The following RASAL2 variants were observed in gnomAD, a reference collection of about 807,000 sequenced individuals.
RASAL2 encodes RAS protein activator like 2.
RASAL2 carries 58 observed loss-of-function variants against 128.9 expected under a neutral mutation model. The observed-to-expected ratio is 0.45, with a 90% CI of 0.36 to 0.56. RASAL2 has a LOEUF of 0.56. Ranked by LOEUF, RASAL2 falls within the 20% of genes least tolerant of loss-of-function variation. RASAL2 has a pLI of 0.00. For synonymous variants in RASAL2, 561 were observed against 580.8 expected (o/e 0.97, Z 0.49); for missense variants, 1,360 against 1,601.6 (o/e 0.85, Z 2.57).
At chr1:178,192,284 C>CA (rs1437525495) in intron 1 of RASAL2, among the ~76,000 whole-genome samples, 17 of 152,044 alleles carry the variant, frequency 1.1e-4, no homozygotes, top group Non-Finnish European at 2.4e-4. Context: ...TATTTGATGA[C>CA]AGTCTATTAT....
intron 3 of RASAL2, among the ~76,000 whole-genome samples, chr1:178,305,028 AAATTT>A (rs1667927859): frequency 6.6e-6 from 1 of 152,222 alleles, no homozygotes; most frequent in African/African-American, 2.4e-5. Context: ...TGAAAAAAAG[AAATTT>A]AAAAAGTAAT....
chr1:178,333,340 T>C (rs1219230986), intron 3 of RASAL2, among the ~76,000 whole-genome samples: 1 of 152,242 alleles, frequency 6.6e-6, no homozygotes, highest in Non-Finnish European at 1.5e-5. Context: ...TTTATTAATA[T>C]CTCTTTTATT....
At chr1:178,199,993 C>T (rs1002917311) in intron 1 of RASAL2, among the ~76,000 whole-genome samples, 2 of 152,206 alleles carry the variant, frequency 1.3e-5, no homozygotes, top group African/African-American at 4.8e-5. Flanking sequence ...CCCTGAACAT[C>T]GGGCTCCAGG....
At chr1:178,164,822 T>TG (rs1661464068) in intron 1 of RASAL2, among the ~76,000 whole-genome samples, 1 of 124,748 alleles carries the variant, frequency 8.0e-6, no homozygotes, top group Admixed American at 8.2e-5. Flanking sequence ...TCATCAAACG[T>TG]TTGTGTGTGT....
At chr1:178,179,419 T>A (rs1571591360) in intron 1 of RASAL2, among the ~76,000 whole-genome samples, 1 of 152,204 alleles carries the variant, frequency 6.6e-6, no homozygotes, top group Non-Finnish European at 1.5e-5. Context: ...ATACTCCTTT[T>A]CTTTACTGGA....
rs146201041 is a variant in RASAL2 at position 178,455,091 on chromosome 1, G to A, written c.2211+443G>A. On this transcript the variant is annotated intron_variant, in intron 12 of 17. Transcript: ENST00000367649. ...TGAAACAAATTTTTTTACTATACAAGTCATAGAGTTTCATATAATTATTAG... is the reference window on the plus strand; with the variant it reads ...TGAAACAAATTTTTTTACTATACAAATCATAGAGTTTCATATAATTATTAG... Among the ~76,000 whole-genome samples the A allele has an allele frequency of 2.0e-4, 30 of 152,130 alleles. No individual in the cohort carries two copies. In the East Asian group the frequency reaches 5.0e-3, roughly 25 times the overall value.
chr1:178,342,465 T>A (rs1308600831), intron 3 of RASAL2, among the ~76,000 whole-genome samples: 1 of 152,222 alleles, frequency 6.6e-6, no homozygotes, highest in Admixed American at 6.5e-5. Context: ...ATCATAAACC[T>A]AGATTGAAAT....
chr1:178,200,580 G>A (rs1558110876), intron 1 of RASAL2, among the ~76,000 whole-genome samples: 1 of 152,164 alleles, frequency 6.6e-6, no homozygotes, highest in Non-Finnish European at 1.5e-5. Flanking sequence ...CAGTGATTGA[G>A]AGTCTTATCT....
chr1:178,176,032 T>A (rs1661879467), intron 1 of RASAL2, among the ~76,000 whole-genome samples: 1 of 152,216 alleles, frequency 6.6e-6, no homozygotes, highest in Admixed American at 6.5e-5. Context: ...TACAGGTGTC[T>A]TTTGATGTAA....
chr1:178,436,696 G>GT (rs1217513687), intron 5 of RASAL2, among the ~76,000 whole-genome samples: 1 of 152,024 alleles, frequency 6.6e-6, no homozygotes, highest in Non-Finnish European at 1.5e-5. Flanking sequence ...GCAAGCTAAA[G>GT]TTTCTCAAGT....
intron 3 of RASAL2, among the ~76,000 whole-genome samples, chr1:178,364,340 G>C (rs1275148921): frequency 6.6e-6 from 1 of 151,052 alleles, no homozygotes; most frequent in Non-Finnish European, 1.5e-5. Context: ...TCTGGAATAA[G>C]AATATCTAAG....
intron 1 of RASAL2, among the ~76,000 whole-genome samples, chr1:178,283,342 C>T (rs1344661966): frequency 6.6e-6 from 1 of 151,868 alleles, no homozygotes; most frequent in Non-Finnish European, 1.5e-5. Flanking sequence ...ACAGTTCTTC[C>T]CAGAGTGTTT....
At chr1:178,139,476 C>T (rs1345941345) in intron 1 of RASAL2, among the ~76,000 whole-genome samples, 1 of 151,932 alleles carries the variant, frequency 6.6e-6, no homozygotes, top group South Asian at 2.1e-4. Flanking sequence ...AGAGTGATAA[C>T]AGTGTTTTTG....
intron 4 of RASAL2, among the ~76,000 whole-genome samples, chr1:178,406,777 G>A (rs1338406346): frequency 6.6e-6 from 1 of 151,552 alleles, no homozygotes; most frequent in Non-Finnish European, 1.5e-5. Flanking sequence ...GTCAATATGT[G>A]TTTTAACATG....
At chr1:178,243,521 A>G (rs990193597) in intron 1 of RASAL2, among the ~76,000 whole-genome samples, 2 of 151,168 alleles carry the variant, frequency 1.3e-5, no homozygotes, top group African/African-American at 4.9e-5. Flanking sequence ...GGGAAGAAGA[A>G]TGCTTTCCCT....
At chr1:178,432,524 G>A (rs987232844) in intron 5 of RASAL2, among the ~76,000 whole-genome samples, 1 of 152,000 alleles carries the variant, frequency 6.6e-6, no homozygotes, top group African/African-American at 2.4e-5. Flanking sequence ...CAATATGTAT[G>A]TTCTGTTTCA....
In RASAL2 at chr1:178,300,045, C is replaced by T. The variant is rs1416721356; in HGVS notation, c.384C>T (p.Cys128=). The stretch of plus-strand genomic sequence containing the variant: ...AGACAGATTCCACCAAAGGGCGATG[C>T]CTGAGGAGAACTGTCAGTGTCCCTT... ...EQQTDSTKGR[C]LRRTVSVPSE... is the part of the protein sequence containing the mutation. The change falls in exon 3 of 18, where the codon TGC becomes TGT. Residue 128 remains cysteine (C), a synonymous_variant. Coordinates refer to ENST00000367649, the MANE Select transcript of RASAL2 (RefSeq NM_170692.4). 7 of 1,613,954 alleles carry T rather than the reference C, an allele frequency of 4.3e-6. No homozygotes were observed. Among genetic ancestry groups the T allele is most frequent in the Non-Finnish European group, 5.9e-6 (7 of 1,179,896 alleles).
At chr1:178,296,622 C>T (rs1336781444) in intron 2 of RASAL2, among the ~76,000 whole-genome samples, 2 of 151,346 alleles carry the variant, frequency 1.3e-5, no homozygotes, top group Non-Finnish European at 2.9e-5. Context: ...CTTGACCTCC[C>T]AAAGTGCTGC....
In RASAL2 at chr1:178,425,545, T is replaced by C. The variant is rs184688444; in HGVS notation, c.674+4925T>C. 2.5e-4 allele frequency among the ~76,000 whole-genome samples: 38 copies of C among 152,204 alleles called. 1 individual carries two copies. Among genetic ancestry groups the C allele is most frequent in the African/African-American group, 8.4e-4 (35 of 41,520 alleles). ...TTCAGTTTAGTTGCCAATTAACAGA[T>C]ACCCAAAATAGAAATGACTGAAACA... On this transcript the variant is annotated intron_variant, in intron 5 of 17. Transcript: ENST00000367649.
Sources: gnomAD v4.1 joint callset for allele counts (sites outside exome capture counted in the v4.1 genomes callset) on GRCh38, gnomAD v4.1.1 for gene constraint, MANE v1.5 for transcripts, NCBI Gene and HGNC (gene_info 2026-07-23, HGNC 2026-07-21) for gene names.